Variants in GDNF observed in about 807,000 individuals in gnomAD.
GDNF encodes glial cell derived neurotrophic factor.
A neutral mutation model predicts 13.7 loss-of-function variants in GDNF; 5 were observed. The observed-to-expected ratio is 0.36, with a 90% CI of 0.19 to 0.77. The LOEUF (loss-of-function observed/expected upper bound fraction) is 0.77. Ranked by LOEUF, GDNF falls within the 30% of genes least tolerant of loss-of-function variation. GDNF has a pLI of 0.51. For missense variants in GDNF, 246 were observed against 274.3 expected, an observed-to-expected ratio of 0.90 and a Z score of 0.73; for synonymous variants, 122 against 112.5, an observed-to-expected ratio of 1.08 and a Z score of -0.53.
intron 1 of GDNF, chr5:37,835,566 T>C: frequency 6.7e-7 from 1 of 1,491,714 alleles, no homozygotes; most frequent in Non-Finnish European, 9.1e-7. Context: ...CTCTTAAAGT[T>C]ATGAACATTA....
rs568695583 is a variant in GDNF, at chr5:37,839,344, C to T, written c.-27+163G>A. On this transcript the variant is annotated intron_variant, in intron 1 of 2. Coordinates refer to ENST00000326524, the MANE Select transcript of GDNF (RefSeq NM_000514.4). The surrounding 1 kb of genome is among the most constrained non-coding windows in gnomAD (Gnocchi z 5.5). ...CTCTCCGGTTCTACTTTTCTCTCTC[C>T]TCGCATAGCTTAGGTTCCCTCTAGT... is the stretch of plus-strand genomic sequence containing the variant. Among the ~76,000 whole-genome samples, 11 of 152,202 alleles carry T rather than the reference C, an allele frequency of 7.2e-5. No individual in the cohort carries two copies. Among genetic ancestry groups the T allele is most frequent in the Non-Finnish European group, 1.5e-5 (1 of 68,038 alleles).
At position 37,815,634 on chromosome 5, in the gene GDNF, A is replaced by G; in HGVS notation, c.*17T>C. ...CTGTAGCAGGAATGCAATACACAGC[A>G]GTCTCTGGAGCCGGAGTCAGATACA... On this transcript the variant is annotated 3_prime_UTR_variant, in exon 3 of 3. Coordinates refer to ENST00000326524, the MANE Select transcript of GDNF (RefSeq NM_000514.4). This position sits in a 1 kb window ranked among gnomAD's most constrained non-coding sequence, Gnocchi z 5.0. 6.2e-7 allele frequency: 1 copy of G among 1,610,742 alleles called. No individual in the cohort carries two copies.
Position 37,815,558 on chromosome 5 carries a change from T to C in GDNF, c.*93A>G. ...TCCTCCTCCGCCTCCTTGGTCCTCA[T>C]CTTCCATTCTGGGCAAACATTTCCT... On this transcript the variant is annotated 3_prime_UTR_variant, in exon 3 of 3. Coordinates refer to ENST00000326524, the MANE Select transcript of GDNF (RefSeq NM_000514.4). This position sits in a 1 kb window ranked among gnomAD's most constrained non-coding sequence, Gnocchi z 5.0. 1.7e-6 allele frequency: 2 copies of C among 1,187,442 alleles called. No individual in the cohort carries two copies. Among genetic ancestry groups the C allele is most frequent in the Non-Finnish European group, 1.3e-6 (1 of 798,934 alleles). The allele number at this position is 1,187,442 out of a possible 1,614,324, so 73.6% of individuals were successfully genotyped here. A position where few individuals can be genotyped will look rare whatever the true frequency, so the allele number is the denominator to read the frequency against.
In GDNF at chr5:37,839,694, C is replaced by G. The variant is rs1167586479; in HGVS notation, c.-214G>C. On this transcript the variant is annotated 5_prime_UTR_variant, in exon 1 of 3. Coordinates refer to ENST00000326524, the MANE Select transcript of GDNF (RefSeq NM_000514.4). This position sits in a 1 kb window ranked among gnomAD's most constrained non-coding sequence, Gnocchi z 5.5. ...CGCTGGAGGCGGCGGCCAAGACTCCCGCCGCCGCCGCCGCCAACAGGGCGA... is the reference window on the plus strand; with the variant it reads ...CGCTGGAGGCGGCGGCCAAGACTCCGGCCGCCGCCGCCGCCAACAGGGCGA... The G allele has an allele frequency of 6.6e-6, 1 of 152,208 alleles. No homozygotes were observed. The highest frequency in any genetic ancestry group is 1.9e-4 in the East Asian group (1 of 5,154). 9.4% of individuals were successfully genotyped at this position (152,208 alleles called of 1,614,324 possible). A position where few individuals can be genotyped will look rare whatever the true frequency, so the allele number is the denominator to read the frequency against.
In GDNF at chr5:37,834,661, C is replaced by T. The variant is rs772951325; in HGVS notation, c.136G>A (p.Ala46Thr). ...CGGTTCTTACAGTCACTGCTCAGCG[C>T]GAAGGGCGCGCGGCGGCGGCCGAGG... ...RSLGRRRAPF[A>T]LSSDSNMPED... The change falls in exon 2 of 3, where the codon GCG (alanine) becomes ACG (threonine). Residue 46 changes from alanine (A) to threonine (T), a missense_variant. Physicochemically the swap from Ala to Thr is moderately conservative, Grantham distance 58 (BLOSUM62 0). Coordinates refer to ENST00000326524, the MANE Select transcript of GDNF (RefSeq NM_000514.4). 8 of 1,600,392 alleles carry T rather than the reference C, an allele frequency of 5.0e-6. No homozygotes were observed. The highest frequency in any genetic ancestry group is 1.8e-4 in the Middle Eastern group (1 of 5,656).
At chr5:37,829,790 A>C (rs556153111) in intron 2 of GDNF, among the ~76,000 whole-genome samples, 1 of 152,338 alleles carries the variant, frequency 6.6e-6, no homozygotes, top group Non-Finnish European at 1.5e-5. Context: ...AATCAATTTA[A>C]GCCTTAAATA....
intron 2 of GDNF, among the ~76,000 whole-genome samples, chr5:37,826,404 G>A (rs1182769518): frequency 6.6e-6 from 1 of 152,140 alleles, no homozygotes; most frequent in East Asian, 1.9e-4. Context: ...GCCCAAAAGG[G>A]GATCCAGACA....
chr5:37,833,174 A>G (rs1750579578), intron 2 of GDNF, among the ~76,000 whole-genome samples: 1 of 152,308 alleles, frequency 6.6e-6, no homozygotes, highest in Middle Eastern at 3.4e-3. Flanking sequence ...TTCTCTTGGC[A>G]ACGTCTGGGT....
intron 2 of GDNF, among the ~76,000 whole-genome samples, chr5:37,827,048 C>A (rs1750348020): frequency 6.6e-6 from 1 of 152,020 alleles, no homozygotes; most frequent in African/African-American, 2.4e-5. Context: ...AATAATCAGA[C>A]AGATCTAAAC....
intron 2 of GDNF, among the ~76,000 whole-genome samples, chr5:37,829,709 A>G (rs1406673496): frequency 6.6e-6 from 1 of 152,248 alleles, no homozygotes; most frequent in Non-Finnish European, 1.5e-5. Context: ...TTTAATTTTT[A>G]TATCTGTTGA....
chr5:37,817,721 A>G (rs1749984026), intron 2 of GDNF, among the ~76,000 whole-genome samples: 1 of 152,130 alleles, frequency 6.6e-6, no homozygotes, highest in Non-Finnish European at 1.5e-5. Flanking sequence ...TAGCATTGGC[A>G]GGATCAGCTG....
At chr5:37,836,596 C>A (rs1750714820) in intron 1 of GDNF, among the ~76,000 whole-genome samples, 1 of 152,182 alleles carries the variant, frequency 6.6e-6, no homozygotes, top group Non-Finnish European at 1.5e-5. Flanking sequence ...CTGCACCAGG[C>A]CATGCAAAAT....
intron 2 of GDNF, among the ~76,000 whole-genome samples, chr5:37,826,911 CCATA>C (rs1183640710): frequency 1.3e-5 from 2 of 152,138 alleles, no homozygotes; most frequent in African/African-American, 2.4e-5. Flanking sequence ...CCTTCAGGCG[CCATA>C]CAAAGGCATT....
chr5:37,837,796 G>T lies in GDNF; in HGVS notation c.-27+1711C>A, dbSNP rs553806060. Among the ~76,000 whole-genome samples, 4 of 152,142 alleles carry T rather than the reference G, an allele frequency of 2.6e-5. No homozygotes were observed. Among genetic ancestry groups the T allele is most frequent in the Non-Finnish European group, 5.9e-5 (4 of 68,006 alleles). On this transcript the variant is annotated intron_variant, in intron 1 of 2. Coordinates refer to ENST00000326524, the MANE Select transcript of GDNF (RefSeq NM_000514.4). The surrounding 1 kb of genome is among the most constrained non-coding windows in gnomAD (Gnocchi z 6.5). The stretch of plus-strand genomic sequence containing the variant: ...ACCTGAGCGGGTTTCTTGGCAACCT[G>T]CTTTCAGACCATCCCTCACCCCTTC...
Position 37,834,673 on chromosome 5 carries a change from G to T in GDNF, c.124C>A (p.Arg42Ser). The T allele has an allele frequency of 6.2e-7, 1 of 1,605,178 alleles. No homozygotes were observed. The highest frequency in any genetic ancestry group is 8.5e-7 in the Non-Finnish European group (1 of 1,175,992). Reference protein sequence around the residue: ...PAEDRSLGRRRAPFALSSDSN... With the variant: ...PAEDRSLGRRSAPFALSSDSN... ...TCACTGCTCAGCGCGAAGGGCGCGC[G>T]GCGGCGGCCGAGGGAGCGGTCTTCG... The change falls in exon 2 of 3, where the codon CGC becomes AGC. Residue 42 changes from arginine (R) to serine (S), a missense_variant. Coordinates refer to ENST00000326524, the MANE Select transcript of GDNF (RefSeq NM_000514.4).
intron 2 of GDNF, among the ~76,000 whole-genome samples, chr5:37,830,853 A>G (rs1750501318): frequency 6.6e-6 from 1 of 152,190 alleles, no homozygotes; most frequent in South Asian, 2.1e-4. Flanking sequence ...CTGGGGTCCA[A>G]ATCCTAGTCT....
chr5:37,813,641 C>T lies in GDNF; in HGVS notation c.*2010G>A, dbSNP rs1482142763. 6.8e-6 allele frequency: 1 copy of T among 147,594 alleles called. No homozygotes were observed. The highest frequency in any genetic ancestry group is 2.5e-5 in the African/African-American group (1 of 39,438). 9.1% of individuals were successfully genotyped at this position (147,594 alleles called of 1,614,324 possible). On this transcript the variant is annotated 3_prime_UTR_variant, in exon 3 of 3. Coordinates refer to ENST00000326524, the MANE Select transcript of GDNF (RefSeq NM_000514.4). ...AGTGCAGTGGCATGATCACAGCTCA[C>T]TGCAGCCTCGACCTTCTGGACTCAA...
intron 2 of GDNF, among the ~76,000 whole-genome samples, chr5:37,830,408 C>T (rs940317990): frequency 5.9e-5 from 9 of 152,064 alleles, no homozygotes; most frequent in African/African-American, 2.2e-4. Context: ...GGGGAAGGGT[C>T]GGAGCTGTGA....
chr5:37,826,909 C>T (rs555030195), intron 2 of GDNF, among the ~76,000 whole-genome samples: 70 of 152,268 alleles, frequency 4.6e-4, no homozygotes, highest in African/African-American at 1.2e-3. Context: ...CACCTTCAGG[C>T]GCCATACAAA....
Sources: allele counts gnomAD v4.1 joint callset (sites outside exome capture counted in the v4.1 genomes callset), GRCh38; gene constraint gnomAD v4.1.1; non-coding constraint Gnocchi (gnomAD v3.1); transcripts MANE v1.5; gene names NCBI Gene and HGNC (gene_info 2026-07-23, HGNC 2026-07-21).